ZNF804B: variants seen among roughly 807,000 people sequenced by gnomAD.
ZNF804B encodes zinc finger 804B.
Under a neutral mutation model 101.4 loss-of-function variants are expected in ZNF804B, and 80 were observed. The ratio of observed to expected loss-of-function variants is 0.79; its 90% CI spans 0.66 to 0.95. The LOEUF is 0.95. Ranked by LOEUF, ZNF804B falls within the 40% of genes least tolerant of loss-of-function variation. The pLI is 0.00. For synonymous variants in ZNF804B, 622 were observed against 558.8 expected (o/e 1.11, Z -1.59); for missense variants, 1,673 against 1,561.9 (o/e 1.07, Z -1.20).
rs145198933 is a variant in ZNF804B at position 89,336,660 on chromosome 7, T to C, written c.3678T>C (p.His1226=). Residue 1226 remains histidine, a synonymous_variant, in exon 4 of 4, where the codon CAT becomes CAC. Transcript: ENST00000333190. ...HFAVSASLSS[H]SSHLPIAHLH... The stretch of plus-strand genomic sequence containing the variant: ...CTGTTTCTGCTTCCTTAAGTTCTCA[T>C]AGCAGTCACCTCCCTATTGCTCATC... 29 of 1,614,008 alleles carry C rather than the reference T, an allele frequency of 1.8e-5. No individual in the cohort carries two copies. The highest frequency in any genetic ancestry group is 1.2e-4 in the African/African-American group (9 of 74,930).
At chr7:89,022,309 C>T (rs1788679615) in intron 1 of ZNF804B, among the ~76,000 whole-genome samples, 2 of 152,094 alleles carry the variant, frequency 1.3e-5, no homozygotes. Context: ...CTCTAGTCAG[C>T]CATCTTGCTG....
At chr7:89,156,694 G>A (rs1790983450) in intron 1 of ZNF804B, among the ~76,000 whole-genome samples, 1 of 151,590 alleles carries the variant, frequency 6.6e-6, no homozygotes, top group African/African-American at 2.4e-5. Flanking sequence ...ATTTTTATTG[G>A]TTTCTCTAAT....
chr7:89,085,899 A>G (rs1789792877), intron 1 of ZNF804B, among the ~76,000 whole-genome samples: 3 of 152,010 alleles, frequency 2.0e-5, no homozygotes, highest in African/African-American at 7.2e-5. Flanking sequence ...CAAAAATATA[A>G]TAGAGTGATA....
chr7:88,850,176 G>A (rs1191099713), intron 1 of ZNF804B, among the ~76,000 whole-genome samples: 1 of 152,106 alleles, frequency 6.6e-6, no homozygotes, highest in East Asian at 1.9e-4. Context: ...AGATCCCTGT[G>A]AGGTAAAAAC....
chr7:89,280,209 A>G (rs898615058), intron 2 of ZNF804B, among the ~76,000 whole-genome samples: 1 of 152,046 alleles, frequency 6.6e-6, no homozygotes, highest in African/African-American at 2.4e-5. Flanking sequence ...TTTGAAACCA[A>G]TGAGAACAAA....
At chr7:89,135,168 C>G (rs142970272) in intron 1 of ZNF804B, among the ~76,000 whole-genome samples, 1 of 152,082 alleles carries the variant, frequency 6.6e-6, no homozygotes, top group Non-Finnish European at 1.5e-5. Context: ...GACTGACTTA[C>G]AATAGAAATC....
At chr7:88,894,218 C>CTT (rs1237729027) in intron 1 of ZNF804B, among the ~76,000 whole-genome samples, 1 of 144,478 alleles carries the variant, frequency 6.9e-6, no homozygotes, top group East Asian at 2.0e-4. Context: ...TATGCAATCC[C>CTT]TTTTTTTTTT....
chr7:89,268,997 T>C (rs939296195), intron 2 of ZNF804B, among the ~76,000 whole-genome samples: 1 of 152,132 alleles, frequency 6.6e-6, no homozygotes, highest in Non-Finnish European at 1.5e-5. Context: ...GTGCCTTGCC[T>C]AGATTGTTCT....
chr7:89,282,790 C>T (rs958604551), intron 2 of ZNF804B, among the ~76,000 whole-genome samples: 6 of 152,144 alleles, frequency 3.9e-5, no homozygotes, highest in African/African-American at 9.7e-5. Flanking sequence ...TGGAGTGATG[C>T]AGTCACAAGC....
intron 1 of ZNF804B, among the ~76,000 whole-genome samples, chr7:89,216,395 C>A (rs1310816718): frequency 1.3e-5 from 2 of 152,034 alleles, no homozygotes; most frequent in African/African-American, 4.8e-5. Flanking sequence ...GATTTAGCAC[C>A]ATCTCAATGC....
chr7:89,259,015 C>T (rs1789674828), intron 2 of ZNF804B, among the ~76,000 whole-genome samples: 1 of 151,864 alleles, frequency 6.6e-6, no homozygotes, highest in Non-Finnish European at 1.5e-5. Context: ...AAAAATGTTT[C>T]TACAGTTACC....
intron 1 of ZNF804B, among the ~76,000 whole-genome samples, chr7:88,893,435 A>G (rs1402010634): frequency 6.6e-6 from 1 of 152,112 alleles, no homozygotes. Context: ...ATATTGATGT[A>G]TGTATTTAAT....
intron 1 of ZNF804B, among the ~76,000 whole-genome samples, chr7:89,171,068 A>G (rs772951274): frequency 2.6e-5 from 4 of 152,222 alleles, no homozygotes; most frequent in Admixed American, 6.5e-5. Context: ...AAGTGTTTAT[A>G]TGAATGACCA....
chr7:89,120,086 G>T (rs1442919095), intron 1 of ZNF804B, among the ~76,000 whole-genome samples: 2 of 152,006 alleles, frequency 1.3e-5, no homozygotes, highest in South Asian at 4.1e-4. Flanking sequence ...AAATGATACT[G>T]TCAGGGGCAC....
intron 2 of ZNF804B, among the ~76,000 whole-genome samples, chr7:89,275,923 C>T (rs968706915): frequency 4.0e-5 from 6 of 151,712 alleles, no homozygotes; most frequent in East Asian, 3.9e-4. Context: ...TCAACCCAAA[C>T]GCCCATCAGT....
At chr7:89,302,497 G>C (rs1360216564) in intron 2 of ZNF804B, among the ~76,000 whole-genome samples, 1 of 151,880 alleles carries the variant, frequency 6.6e-6, no homozygotes, top group African/African-American at 2.4e-5. Context: ...TTATAAAATA[G>C]AGGAAGTTAT....
chr7:88,909,950 C>T (rs549404498), intron 1 of ZNF804B, among the ~76,000 whole-genome samples: 1 of 151,756 alleles, frequency 6.6e-6, no homozygotes, highest in Non-Finnish European at 1.5e-5. Flanking sequence ...CTCTTTAATG[C>T]AGTTTTAATG....
chr7:89,047,308 C>T (rs755393895), intron 1 of ZNF804B, among the ~76,000 whole-genome samples: 1 of 152,124 alleles, frequency 6.6e-6, no homozygotes, highest in African/African-American at 2.4e-5. Flanking sequence ...TTTATCCAAA[C>T]TCAAATTTCT....
rs192106027 is a variant in ZNF804B at position 88,932,120 on chromosome 7, G to A, written c.108+172036G>A. Among the ~76,000 whole-genome samples the A allele has an allele frequency of 1.1e-3, 169 of 151,920 alleles. 1 individual carries two copies. Among genetic ancestry groups the A allele is most frequent in the African/African-American group, 3.9e-3 (161 of 41,516 alleles). On this transcript the variant is annotated intron_variant, in intron 1 of 3. Transcript: ENST00000333190. ...AATGATTAAACTTGAGTGCTTTTAT[G>A]CTAGGCTTGATGAAGAGTGGAAAGT...
Sources: gnomAD v4.1 joint callset for allele counts (sites outside exome capture counted in the v4.1 genomes callset) on GRCh38, gnomAD v4.1.1 for gene constraint, MANE v1.5 for transcripts, NCBI Gene and HGNC (gene_info 2026-07-23, HGNC 2026-07-21) for gene names.